The following BEST3 variants were observed in gnomAD, a reference collection of about 807,000 sequenced individuals.
BEST3 encodes bestrophin 3, also known as bestrophin-3.
Under a neutral mutation model 47.1 loss-of-function variants are expected in BEST3, and 50 were observed. The observed-to-expected ratio is 1.06, with a 90% CI of 0.85 to 1.34. BEST3 has a LOEUF of 1.34. Among genes scored for constraint, BEST3 ranks in the 40% most tolerant of loss-of-function variants. The pLI, the probability that BEST3 is intolerant of heterozygous loss-of-function variation, is 0.00. For missense variants in BEST3, 765 were observed against 817.0 expected, an observed-to-expected ratio of 0.94 and a Z score of 0.78; for synonymous variants, 282 against 298.8, an observed-to-expected ratio of 0.94 and a Z score of 0.58.
At chr12:69,697,939 CT>C in intron 1 of BEST3, 126 bp from the exon 2 acceptor site, 1 of 712,358 alleles carries the variant, frequency 1.4e-6, no homozygotes, top group Non-Finnish European at 2.2e-6. Context: ...TTTTGTCTTT[CT>C]TAGTTTCTAT....
chr12:69,657,678 T>C (rs1565822531), intron 9 of BEST3, among the ~76,000 whole-genome samples: 1 of 152,192 alleles, frequency 6.6e-6, no homozygotes. Context: ...GTGCATTTTA[T>C]GTGACATGAA....
chr12:69,668,249 G>A (rs954478614), intron 9 of BEST3, among the ~76,000 whole-genome samples: 3 of 152,164 alleles, frequency 2.0e-5, no homozygotes, highest in African/African-American at 7.2e-5. Flanking sequence ...ATATGAAAAG[G>A]TAAGGAAAAT....
downstream of BEST3, among the ~76,000 whole-genome samples, chr12:69,650,786 A>C (rs977936671): frequency 6.6e-6 from 1 of 152,166 alleles, no homozygotes; most frequent in African/African-American, 2.4e-5. Flanking sequence ...ATTCATTGCC[A>C]TGGTGATGAG....
At chr12:69,668,743 A>C (rs1201318252) in intron 9 of BEST3, among the ~76,000 whole-genome samples, 2 of 152,246 alleles carry the variant, frequency 1.3e-5, no homozygotes, top group Non-Finnish European at 2.9e-5. Flanking sequence ...TAAACCAGCC[A>C]TGAATAGTCA....
chr12:69,656,381 G>GTCTGTCTA (rs1555202914), intron 9 of BEST3, among the ~76,000 whole-genome samples: 43 of 151,130 alleles, frequency 2.8e-4, no homozygotes, highest in South Asian at 8.4e-4. Flanking sequence ...CTGTCTGTCT[G>GTCTGTCTA]TCTATCTATC....
chr12:69,661,183 G>A (rs1883851367), intron 9 of BEST3: 1 of 152,134 alleles, frequency 6.6e-6, no homozygotes, highest in Admixed American at 6.6e-5. Context: ...TCCAAAGAAA[G>A]CTTTTTGCAA....
chr12:69,690,081 T>A (rs934008540), intron 4 of BEST3, among the ~76,000 whole-genome samples: 2 of 152,178 alleles, frequency 1.3e-5, no homozygotes. Flanking sequence ...TCTATTAGGT[T>A]CTATAATAAT....
intron 9 of BEST3, chr12:69,670,667 C>T: frequency 1.6e-6 from 1 of 635,728 alleles, no homozygotes; most frequent in South Asian, 1.9e-5. Flanking sequence ...ACCCACTGCA[C>T]AAATCCGCTT....
At chr12:69,698,048 T>C (rs1268126137) in intron 1 of BEST3, among the ~76,000 whole-genome samples, 1 of 152,186 alleles carries the variant, frequency 6.6e-6, no homozygotes, top group Non-Finnish European at 1.5e-5. Flanking sequence ...AAACTTGCCT[T>C]AACTGTTAAA....
chr12:69,695,055 C>T (rs1210625876), intron 2 of BEST3, among the ~76,000 whole-genome samples: 3 of 152,148 alleles, frequency 2.0e-5, no homozygotes, highest in Non-Finnish European at 4.4e-5. Flanking sequence ...TTTAGTCACT[C>T]TCTCAAAATT....
At chr12:69,694,193 G>A (rs1886044267) in intron 3 of BEST3, 177 bp downstream of exon 3, 1 of 576,932 alleles carries the variant, frequency 1.7e-6, no homozygotes, top group East Asian at 2.9e-5. Context: ...AACTTGTTTG[G>A]TGTTAATTTC....
intron 3 of BEST3, 84 bp from the exon 4 acceptor site, chr12:69,693,991 T>G (rs1886035423): frequency 9.3e-7 from 1 of 1,069,998 alleles, no homozygotes. Flanking sequence ...ATTTTAGCCT[T>G]TTTAGAGGTT....
intron 4 of BEST3, among the ~76,000 whole-genome samples, chr12:69,692,193 C>T (rs953866715): frequency 1.3e-5 from 2 of 152,148 alleles, no homozygotes; most frequent in Non-Finnish European, 2.9e-5. Context: ...ACAACAACAA[C>T]AAAAGAAGCC....
chr12:69,684,978 G>GCTGTT (rs1885479349), intron 4 of BEST3, among the ~76,000 whole-genome samples: 1 of 113,086 alleles, frequency 8.8e-6, no homozygotes, highest in African/African-American at 3.2e-5. Context: ...TGTGCTTTCT[G>GCTGTT]CTGTTCTATT....
chr12:69,689,618 G>A (rs1348137251), intron 4 of BEST3, among the ~76,000 whole-genome samples: 1 of 152,096 alleles, frequency 6.6e-6, no homozygotes, highest in Non-Finnish European at 1.5e-5. Context: ...GAGCAACTGG[G>A]ACCTTTTCAC....
chr12:69,646,138 A>G lies in BEST3; in HGVS notation c.1101-2351T>C, dbSNP rs933002038. Among the ~76,000 whole-genome samples the G allele has an allele frequency of 3.3e-5, 5 of 152,106 alleles. No homozygotes were observed. The East Asian group carries it at 5.8e-4, about 18-fold the overall frequency. On this transcript the variant is annotated intron_variant, in intron 9 of 9. Transcript: ENST00000331471. The stretch of plus-strand genomic sequence containing the variant: ...TTTTTAGTAGAGATGGGGTTTTGCC[A>G]TGTTGGCCAGGATGGTCTCAAACTC...
At chr12:69,693,115 C>A (rs1323022105) in intron 4 of BEST3, among the ~76,000 whole-genome samples, 1 of 152,114 alleles carries the variant, frequency 6.6e-6, no homozygotes, top group African/African-American at 2.4e-5. Flanking sequence ...CTCTCCCCCA[C>A]CTCTGAAGTA....
chr12:69,674,495 T>C (rs986431325), intron 7 of BEST3, among the ~76,000 whole-genome samples: 2 of 152,172 alleles, frequency 1.3e-5, no homozygotes, highest in African/African-American at 4.8e-5. Context: ...TCAGTAAGCC[T>C]CACAGTGATA....
chr12:69,685,316 A>G (rs985279107), intron 4 of BEST3, among the ~76,000 whole-genome samples: 1 of 152,230 alleles, frequency 6.6e-6, no homozygotes, highest in African/African-American at 2.4e-5. Flanking sequence ...TAACATACAA[A>G]GAAATCAGTG....
Sources: allele counts gnomAD v4.1 joint callset (sites outside exome capture counted in the v4.1 genomes callset), GRCh38; gene constraint gnomAD v4.1.1; transcripts MANE v1.5; gene names NCBI Gene and HGNC (gene_info 2026-07-23, HGNC 2026-07-21).